The following PPP1R21 variants were observed in gnomAD, a reference collection of about 807,000 sequenced individuals.
PPP1R21 encodes the protein protein phosphatase 1 regulatory subunit 21.
In PPP1R21, 85 loss-of-function variants were observed where a neutral mutation model predicts 112.8. The ratio of observed to expected loss-of-function variants is 0.75; its 90% CI spans 0.63 to 0.90. PPP1R21 has a LOEUF of 0.90. Ranked by LOEUF, PPP1R21 falls within the 40% of genes least tolerant of loss-of-function variation. The probability of loss-of-function intolerance (pLI) is 0.00; values close to 1 mark genes in which losing one functional copy is unlikely to be tolerated. For synonymous variants in PPP1R21, 381 were observed against 322.3 expected, an observed-to-expected ratio of 1.18 and a Z score of -1.95; for missense variants, 1,199 against 901.5, an observed-to-expected ratio of 1.33 and a Z score of -4.23.
At chr2:48,471,417 G>T in intron 11 of PPP1R21, 50 bp downstream of exon 11, 4 of 1,520,046 alleles carry the variant, frequency 2.6e-6, no homozygotes, top group Non-Finnish European at 3.5e-6. Context: ...GGTGTAACCT[G>T]ATCTGGCTGG....
chr2:48,475,242 A>G (rs1291584780), intron 12 of PPP1R21, among the ~76,000 whole-genome samples: 3 of 151,816 alleles, frequency 2.0e-5, no homozygotes, highest in Non-Finnish European at 2.9e-5. Context: ...AGTCCCAGCT[A>G]CTCTGGAGGC....
intron 13 of PPP1R21, among the ~76,000 whole-genome samples, chr2:48,483,343 G>A (rs1445166123): frequency 6.6e-6 from 1 of 151,736 alleles, no homozygotes; most frequent in Non-Finnish European, 1.5e-5. Context: ...CACCATGCCG[G>A]CTAATTTTTT....
At chr2:48,453,767 A>T (rs1169393903) in intron 2 of PPP1R21, among the ~76,000 whole-genome samples, 1 of 152,206 alleles carries the variant, frequency 6.6e-6, no homozygotes, top group Non-Finnish European at 1.5e-5. Context: ...AGGACAGCAT[A>T]TGAAAATATT....
intron 9 of PPP1R21, among the ~76,000 whole-genome samples, chr2:48,469,509 CATAT>C (rs374280494): frequency 0.8 from 47,108 of 58,882 alleles, 19,615 homozygotes; most frequent in South Asian, 0.89. Flanking sequence ...ATATATAGAG[CATAT>C]ATATATATAT....
chr2:48,495,450 C>T (rs1669792340), intron 15 of PPP1R21, among the ~76,000 whole-genome samples: 1 of 152,164 alleles, frequency 6.6e-6, no homozygotes, highest in Non-Finnish European at 1.5e-5. Flanking sequence ...GATCCGCTCG[C>T]CTCGACCTCC....
chr2:48,509,483 A>G (rs1271341645), intron 19 of PPP1R21, among the ~76,000 whole-genome samples: 4 of 151,980 alleles, frequency 2.6e-5, no homozygotes, highest in African/African-American at 9.7e-5. Context: ...AGGTGGGCAG[A>G]TCACTTGAGG....
chr2:48,498,729 C>G lies in PPP1R21; in HGVS notation c.1929C>G (p.Thr643=). ...CTGTGTTGGAGCCCATTCAGAGCACCAGTCTAGTAAGTGTCTTCTTGGTTG... is the reference window on the plus strand; with the variant it reads ...CTGTGTTGGAGCCCATTCAGAGCACGAGTCTAGTAAGTGTCTTCTTGGTTG... ...AKAVLEPIQS[T]SLIGTLTRTS... Residue 643 remains threonine (T), a synonymous_variant, in exon 17 of 22, where the codon ACC becomes ACG. Coordinates refer to ENST00000294952, the MANE Select transcript of PPP1R21 (RefSeq NM_001135629.3). The G allele has an allele frequency of 6.2e-7, 1 of 1,614,072 alleles. No homozygotes were observed. The highest frequency in any genetic ancestry group is 1.3e-5 in the African/African-American group (1 of 75,056).
intron 17 of PPP1R21, 82 bp downstream of exon 17, chr2:48,498,817 C>G (rs774066880): frequency 4.3e-6 from 6 of 1,390,184 alleles, no homozygotes; most frequent in Non-Finnish European, 6.0e-6. Flanking sequence ...TAACCATTGT[C>G]TTAGTTCATT....
chr2:48,472,959 GT>G (rs1478433136), intron 11 of PPP1R21, among the ~76,000 whole-genome samples: 2 of 140,192 alleles, frequency 1.4e-5, no homozygotes, highest in Non-Finnish European at 1.5e-5. Context: ...AGAAAAGAAT[GT>G]ATAAGTAATT....
intron 15 of PPP1R21, among the ~76,000 whole-genome samples, chr2:48,492,997 T>TTTAGGTCA (rs761870076): frequency 7.9e-5 from 12 of 151,770 alleles, no homozygotes; most frequent in Non-Finnish European, 1.5e-4. Flanking sequence ...AAATTCTCTC[T>TTTAGGTCA]TTAGGTCATT....
chr2:48,459,940 C>T, intron 5 of PPP1R21, 22 bp downstream of exon 5: 2 of 1,606,706 alleles, frequency 1.2e-6, no homozygotes, highest in South Asian at 1.1e-5. Flanking sequence ...TGTGAGAGCA[C>T]ACTAAAAAAT....
intron 14 of PPP1R21, among the ~76,000 whole-genome samples, chr2:48,487,634 G>T (rs753394483): frequency 6.6e-6 from 1 of 151,416 alleles, no homozygotes; most frequent in Non-Finnish European, 1.5e-5. Context: ...GGTGATGTGC[G>T]TCTGTGGTCC....
intron 17 of PPP1R21, among the ~76,000 whole-genome samples, chr2:48,503,234 G>A (rs931309795): frequency 1.3e-5 from 2 of 152,104 alleles, no homozygotes; most frequent in African/African-American, 2.4e-5. Flanking sequence ...GAATAATCAA[G>A]CCACCAATGT....
intron 12 of PPP1R21, among the ~76,000 whole-genome samples, chr2:48,477,725 G>A (rs1322377643): frequency 6.7e-6 from 1 of 149,740 alleles, no homozygotes; most frequent in Non-Finnish European, 1.5e-5. Flanking sequence ...AATCCCGTAT[G>A]AATTTTAGAA....
chr2:48,515,338 A>G lies in PPP1R21; in HGVS notation c.*594A>G, dbSNP rs923038691. The G allele has an allele frequency of 6.6e-6, 1 of 151,824 alleles. No homozygotes were observed. Among genetic ancestry groups the G allele is most frequent in the Non-Finnish European group, 1.5e-5 (1 of 68,042 alleles). 9.4% of individuals were successfully genotyped at this position (151,824 alleles called of 1,614,324 possible). Reference sequence around the variant, plus strand: ...TCAGCTCTTTGATACCCTGTGTTAGAGTAATAGCTAAAGGAAGTTCATGTC... The same window carrying G: ...TCAGCTCTTTGATACCCTGTGTTAGGGTAATAGCTAAAGGAAGTTCATGTC... On this transcript the variant is annotated 3_prime_UTR_variant, in exon 22 of 22. Transcript: ENST00000294952.
At chr2:48,461,628 A>C (rs1314916056) in intron 7 of PPP1R21, among the ~76,000 whole-genome samples, 8 of 152,214 alleles carry the variant, frequency 5.3e-5, no homozygotes, top group East Asian at 3.8e-4. Context: ...GTCAATTCCC[A>C]GCAATAGCTA....
intron 13 of PPP1R21, among the ~76,000 whole-genome samples, chr2:48,484,946 A>G (rs753759500): frequency 6.6e-6 from 1 of 152,240 alleles, no homozygotes; most frequent in Non-Finnish European, 1.5e-5. Context: ...TTGTATTATT[A>G]TAACATTGTA....
intron 20 of PPP1R21, among the ~76,000 whole-genome samples, chr2:48,510,703 G>A (rs929632256): frequency 1.5e-4 from 23 of 152,184 alleles, no homozygotes; most frequent in African/African-American, 5.3e-4. Flanking sequence ...AGAGATGAAG[G>A]GTGCTTCTTT....
Position 48,486,722 on chromosome 2 carries a change from G to C in PPP1R21, c.1410G>C (p.Leu470=). The C allele has an allele frequency of 6.2e-7, 1 of 1,613,978 alleles. No homozygotes were observed. Among genetic ancestry groups the C allele is most frequent in the Non-Finnish European group, 8.5e-7 (1 of 1,179,932 alleles). The stretch of plus-strand genomic sequence containing the variant: ...TGATAACAACTAATGACTGTATCCT[G>C]TCATCAGTAGTGGCATTAACAAATG... ...QKLITTNDCI[L]SSVVALTNGA... The change falls in exon 14 of 22, where the codon CTG becomes CTC. Residue 470 remains leucine (L), a synonymous_variant. Coordinates refer to ENST00000294952, the MANE Select transcript of PPP1R21 (RefSeq NM_001135629.3).
Sources: gnomAD v4.1 joint callset for allele counts (sites outside exome capture counted in the v4.1 genomes callset) on GRCh38, gnomAD v4.1.1 for gene constraint, MANE v1.5 for transcripts, NCBI Gene and HGNC (gene_info 2026-07-23, HGNC 2026-07-21) for gene names.